The following USP37 variants were observed in gnomAD, a reference collection of about 807,000 sequenced individuals.
USP37 encodes ubiquitin specific peptidase 37, also known as ubiquitin carboxyl-terminal hydrolase 37.
USP37 carries 27 observed loss-of-function variants against 124.0 expected under a neutral mutation model. That is an observed-to-expected ratio of 0.22 (90% CI 0.16 to 0.30). USP37 has a LOEUF of 0.30. Among genes scored for constraint, USP37 ranks in the 10% least tolerant of loss-of-function variants. USP37 has a pLI of 1.00. For missense variants in USP37, 889 were observed against 1,140.4 expected, an observed-to-expected ratio of 0.78 and a Z score of 3.17; for synonymous variants, 365 against 388.0, an observed-to-expected ratio of 0.94 and a Z score of 0.70.
At chr2:218,494,762 T>C (rs2105987331) in intron 14 of USP37, among the ~76,000 whole-genome samples, 1 of 152,290 alleles carries the variant, frequency 6.6e-6, no homozygotes, top group Non-Finnish European at 1.5e-5. Context: ...CAAAGTAAAA[T>C]ATTTTAAAGT....
chr2:218,480,305 CAGG>C lies in USP37; in HGVS notation c.1836-593_1836-591del, dbSNP rs1291178392. ...GTCCCAGCTACGCGGGAGGCTGACGCAGGAGAATGGCGTGAAGCCGGGAGGCGC... is the reference window on the plus strand; with the variant it reads ...GTCCCAGCTACGCGGGAGGCTGACGCAGAATGGCGTGAAGCCGGGAGGCGC... On this transcript the variant is annotated intron_variant, in intron 17 of 25. Coordinates refer to ENST00000258399, the MANE Select transcript of USP37 (RefSeq NM_020935.3). 1.4e-4 allele frequency among the ~76,000 whole-genome samples: 21 copies of C among 147,056 alleles called. No homozygotes were observed. In the East Asian group the frequency reaches 4.2e-3, roughly 30 times the overall value.
At chr2:218,465,335 A>G (rs1690255731) in intron 21 of USP37, among the ~76,000 whole-genome samples, 1 of 151,340 alleles carries the variant, frequency 6.6e-6, no homozygotes, top group East Asian at 2.0e-4. Flanking sequence ...CTAGCACTTT[A>G]GGAGGCCAAA....
chr2:218,513,902 C>T (rs1690136743), intron 10 of USP37, among the ~76,000 whole-genome samples: 1 of 152,122 alleles, frequency 6.6e-6, no homozygotes, highest in South Asian at 2.1e-4. Context: ...CTCTGCCTCC[C>T]AGGCTCAAGA....
rs547278305 is a variant in USP37 at position 218,545,876 on chromosome 2, T to C, written c.680+345A>G. On this transcript the variant is annotated intron_variant, in intron 8 of 25. Transcript: ENST00000258399. ...AGTAAAATGAAAAAGTAAAAATTTT[T>C]TTTTTAATTAAGCATAAAGAAGACA... Among the ~76,000 whole-genome samples the C allele has an allele frequency of 2.5e-3, 376 of 152,324 alleles. 2 individuals are homozygous for C. Among genetic ancestry groups the C allele is most frequent in the African/African-American group, 8.5e-3 (354 of 41,560 alleles).
At chr2:218,519,213 ATATGTTGAGGTG>A (rs2106012026) in intron 10 of USP37, among the ~76,000 whole-genome samples, 1 of 152,342 alleles carries the variant, frequency 6.6e-6, no homozygotes, top group South Asian at 2.1e-4. Flanking sequence ...AATTATAGAA[ATATGTTGAGGTG>A]TAGTAGGAAA....
At chr2:218,481,955 T>G in intron 17 of USP37, 115 bp downstream of exon 17, 4 of 1,228,866 alleles carry the variant, frequency 3.3e-6, no homozygotes, top group Non-Finnish European at 4.4e-6. Flanking sequence ...CATCTGGCCA[T>G]TGATCTGATT....
chr2:218,562,296 G>A (rs1437259053), intron 2 of USP37, among the ~76,000 whole-genome samples: 2 of 151,962 alleles, frequency 1.3e-5, no homozygotes, highest in East Asian at 1.9e-4. Context: ...CCTTAAACTC[G>A]GTAATGGTAA....
chr2:218,543,501 CAAAAAAAAAAAAAA>C (rs35321679), intron 8 of USP37, among the ~76,000 whole-genome samples: 5 of 36,956 alleles, frequency 1.4e-4, no homozygotes, highest in Admixed American at 5.1e-4. Flanking sequence ...GACTCCGTCT[CAAAAAAAAAAAAAA>C]AAAAAAAAAA....
At chr2:218,485,577 C>T in intron 16 of USP37, 87 bp downstream of exon 16, 5 of 1,373,298 alleles carry the variant, frequency 3.6e-6, no homozygotes, top group Non-Finnish European at 4.9e-6. Context: ...TTTGTATGAA[C>T]TTTAAAAAGA....
intron 16 of USP37, among the ~76,000 whole-genome samples, chr2:218,485,053 CCT>C (rs1218240302): frequency 2.0e-5 from 3 of 152,066 alleles, no homozygotes; most frequent in South Asian, 2.1e-4. Context: ...AAAATTACTC[CCT>C]GTTTTATTCT....
intron 10 of USP37, among the ~76,000 whole-genome samples, chr2:218,518,578 A>G (rs1690426589): frequency 6.6e-6 from 1 of 152,178 alleles, no homozygotes; most frequent in Non-Finnish European, 1.5e-5. Flanking sequence ...ATGGCTTAGA[A>G]TTTTTACTTC....
chr2:218,508,544 G>C (rs979813931), intron 11 of USP37, among the ~76,000 whole-genome samples: 1 of 152,134 alleles, frequency 6.6e-6, no homozygotes, highest in African/African-American at 2.4e-5. Flanking sequence ...ATAGGAAAAT[G>C]AAACAAGTAA....
At chr2:218,484,562 C>A (rs1325435455) in intron 16 of USP37, among the ~76,000 whole-genome samples, 1 of 151,436 alleles carries the variant, frequency 6.6e-6, no homozygotes, top group Non-Finnish European at 1.5e-5. Context: ...GCAGAGGTTG[C>A]GGTGAGCTGA....
intron 22 of USP37, 26 bp from the exon 23 acceptor site, chr2:218,459,931 A>G (rs746017973): frequency 3.8e-6 from 6 of 1,586,078 alleles, no homozygotes; most frequent in Non-Finnish European, 5.2e-6. Context: ...ACAAAATCTT[A>G]TAAAAGTTCT....
intron 16 of USP37, among the ~76,000 whole-genome samples, chr2:218,483,867 T>C (rs1691394359): frequency 1.3e-5 from 2 of 152,160 alleles, no homozygotes; most frequent in African/African-American, 4.8e-5. Context: ...AATCCAAAAA[T>C]ATAAGTCTCT....
chr2:218,540,063 A>G (rs1691887569), intron 8 of USP37, among the ~76,000 whole-genome samples: 1 of 152,016 alleles, frequency 6.6e-6, no homozygotes, highest in African/African-American at 2.4e-5. Flanking sequence ...CTTTTCACTT[A>G]AAGGAGGCAC....
chr2:218,556,149 C>G (rs1473128274), intron 4 of USP37, among the ~76,000 whole-genome samples: 1 of 152,200 alleles, frequency 6.6e-6, no homozygotes, highest in African/African-American at 2.4e-5. Flanking sequence ...ACATCAATAT[C>G]TGGTTCCTAC....
intron 1 of USP37, among the ~76,000 whole-genome samples, chr2:218,566,850 C>G (rs1178107557): frequency 2.6e-5 from 4 of 152,094 alleles, no homozygotes; most frequent in Admixed American, 2.0e-4. Context: ...GAGTAGAAGT[C>G]AAGAATGCCT....
intron 13 of USP37, among the ~76,000 whole-genome samples, chr2:218,496,850 C>T (rs906377970): frequency 4.6e-5 from 7 of 151,998 alleles, no homozygotes; most frequent in African/African-American, 1.7e-4. Context: ...GGGGTTTCAC[C>T]TCATCAGTCA....
Sources: gnomAD v4.1 joint callset for allele counts (sites outside exome capture counted in the v4.1 genomes callset) on GRCh38, gnomAD v4.1.1 for gene constraint, MANE v1.5 for transcripts, NCBI Gene and HGNC (gene_info 2026-07-23, HGNC 2026-07-21) for gene names.